Variants in SELENON observed in about 807,000 individuals in gnomAD.
The protein encoded by SELENON is selenoprotein N.
A neutral mutation model predicts 59.5 loss-of-function variants in SELENON; 44 were observed. The observed-to-expected ratio is 0.74, with a 90% CI of 0.58 to 0.95. The LOEUF (loss-of-function observed/expected upper bound fraction) is 0.95. Among genes scored for constraint, SELENON ranks in the 40% least tolerant of loss-of-function variants. The pLI is 0.00. For synonymous variants in SELENON, 320 were observed against 305.6 expected (o/e 1.05, Z -0.49); for missense variants, 674 against 721.4 (o/e 0.93, Z 0.75).
At chr1:25,803,576 T>A (rs1341726033) in intron 3 of SELENON, among the ~76,000 whole-genome samples, 1 of 152,244 alleles carries the variant, frequency 6.6e-6, no homozygotes, top group Non-Finnish European at 1.5e-5. Flanking sequence ...AGTAGTATTA[T>A]AATTAATAAC....
chr1:25,812,842 TGTG>T, intron 10 of SELENON, 50 bp downstream of exon 9: 1 of 1,403,748 alleles, frequency 7.1e-7, no homozygotes, highest in Non-Finnish European at 1.0e-6. Context: ...GTCCACACCT[TGTG>T]GGGTACCAGA....
In SELENON at chr1:25,807,360, C is replaced by T. The variant is rs969598247; in HGVS notation, c.538-1220C>T. Reference sequence around the variant, plus strand: ...GAATGAACAAATGAATAAACGTGTTCTTCTCAGCCAAGGAGACAGTGCAGC... The same window carrying T: ...GAATGAACAAATGAATAAACGTGTTTTTCTCAGCCAAGGAGACAGTGCAGC... On this transcript the variant is annotated intron_variant, in intron 4 of 12. Transcript: ENST00000361547. The surrounding 1 kb of genome is among the most constrained non-coding windows in gnomAD (Gnocchi z 4.5). Among the ~76,000 whole-genome samples, 1 of 152,226 alleles carries T rather than the reference C, an allele frequency of 6.6e-6. No homozygotes were observed. Among genetic ancestry groups the T allele is most frequent in the African/African-American group, 2.4e-5 (1 of 41,460 alleles).
chr1:25,810,089 G>A (rs931827791), intron 7 of SELENON, among the ~76,000 whole-genome samples: 9 of 152,178 alleles, frequency 5.9e-5, no homozygotes, highest in African/African-American at 2.2e-4. Flanking sequence ...CTGAAGCTGG[G>A]CCTCCCCGCC....
In SELENON at chr1:25,811,708, G is replaced by A. The variant is rs779080942; in HGVS notation, c.1110G>A (p.Thr370=). Residue 370 remains threonine (T), a synonymous_variant, in exon 9 of 13, where the codon ACG becomes ACA. Coordinates refer to ENST00000361547, the MANE Select transcript of SELENON (RefSeq NM_020451.3). Reference sequence around the variant, plus strand: ...TGGCCCAGATGGAGCTGGAGGCCACGGGCCCCTCTGTGCCCTCCGTGATCC... The same window carrying A: ...TGGCCCAGATGGAGCTGGAGGCCACAGGCCCCTCTGTGCCCTCCGTGATCC... The A allele has an allele frequency of 5.0e-5, 80 of 1,608,740 alleles. No homozygotes were observed. The Admixed American group carries it at 7.5e-4, about 15-fold the overall frequency.
rs769448201 is a variant in SELENON, at chr1:25,812,758, G to A, written c.1353G>A (p.Leu451=). ...AGAACAAGCTGGTGCACTCAATCCT[G>A]CTGTGGGGGGCCCTGGATGACCAGT... is the stretch of plus-strand genomic sequence containing the variant. The change falls in exon 10 of 13, where the codon CTG becomes CTA. Residue 451 remains leucine (L), a synonymous_variant. Coordinates refer to ENST00000361547, the MANE Select transcript of SELENON (RefSeq NM_020451.3). 7 of 1,613,484 alleles carry A rather than the reference G, an allele frequency of 4.3e-6. No homozygotes were observed. The African/African-American group carries it at 8.0e-5, about 18-fold the overall frequency.
chr1:25,814,227 C>T (rs769569747), intron 12 of SELENON, 49 bp downstream of exon 11: 11 of 1,422,868 alleles, frequency 7.7e-6, no homozygotes, highest in African/African-American at 2.8e-5. Flanking sequence ...CTCGGGGCCC[C>T]GGGAGCAACC....
At chr1:25,811,929 C>G in intron 9 of SELENON, 50 bp downstream of exon 8, 1 of 1,530,998 alleles carries the variant, frequency 6.5e-7, no homozygotes, top group South Asian at 1.2e-5. Flanking sequence ...TGGGCAGAGG[C>G]TGGGAGCTGT....
intron 7 of SELENON, among the ~76,000 whole-genome samples, chr1:25,810,660 T>G (rs1207691277): frequency 2.6e-5 from 4 of 152,166 alleles, no homozygotes; most frequent in African/African-American, 9.7e-5. Flanking sequence ...CGTGAGAGGA[T>G]GGTCGGGATA....
At position 25,811,501 on chromosome 1, in the gene SELENON, G is replaced by A. The variant is rs2047959104; in HGVS notation, c.1058G>A (p.Ser353Asn). 6.2e-7 allele frequency: 1 copy of A among 1,614,138 alleles called. No homozygotes were observed. The highest frequency in any genetic ancestry group is 8.5e-7 in the Non-Finnish European group (1 of 1,180,040). ...TGGCTTTACGGGGCCAGTGAAAGCAGCAACATGGAGGTGGACATCGGCTAC... is the reference window on the plus strand; with the variant it reads ...TGGCTTTACGGGGCCAGTGAAAGCAACAACATGGAGGTGGACATCGGCTAC... Residue 353 changes from serine to asparagine, a missense_variant, in exon 8 of 13, where the codon AGC (serine) becomes AAC (asparagine). Coordinates refer to ENST00000361547, the MANE Select transcript of SELENON (RefSeq NM_020451.3).
chr1:25,802,297 A>G (rs2047867622), intron 3 of SELENON, among the ~76,000 whole-genome samples: 1 of 151,844 alleles, frequency 6.6e-6, no homozygotes, highest in South Asian at 2.1e-4. Context: ...GCCAGGAGCT[A>G]TAACTATCAT....
At chr1:25,808,218 GGTGGGACTAT>G (rs1362780244) in intron 4 of SELENON, among the ~76,000 whole-genome samples, 1 of 152,226 alleles carries the variant, frequency 6.6e-6, no homozygotes, top group Non-Finnish European at 1.5e-5. Context: ...ATAGGATGGA[GGTGGGACTAT>G]GTGAGGCACA....
In SELENON at chr1:25,811,545, C is replaced by T. The variant is rs944987928; in HGVS notation, c.1092+10C>T. 3.8e-5 allele frequency: 62 copies of T among 1,613,634 alleles called. No homozygotes were observed. The highest frequency in any genetic ancestry group is 5.3e-5 in the Non-Finnish European group (62 of 1,179,710). ...CGGCTACATACCCCAGGTGAGCGCA[C>T]AGGAGGCTCCCATCCAGGTGGGCTC... On this transcript the variant is annotated intron_variant, in intron 8 of 12. Coordinates refer to ENST00000361547, the MANE Select transcript of SELENON (RefSeq NM_020451.3).
At position 25,815,993 on chromosome 1, in the gene SELENON, A is replaced by T; in HGVS notation, c.*275A>T. 4.2e-6 allele frequency: 2 copies of T among 481,772 alleles called. No homozygotes were observed. The highest frequency in any genetic ancestry group is 3.9e-5 in the East Asian group (1 of 25,652). 29.8% of individuals were successfully genotyped at this position (481,772 alleles called of 1,614,324 possible). A position where few individuals can be genotyped will look rare whatever the true frequency, so the allele number is the denominator to read the frequency against. On this transcript the variant is annotated 3_prime_UTR_variant, in exon 13 of 13. Transcript: ENST00000361547. Reference sequence around the variant, plus strand: ...TCTGGAAGCTGCTTGGCCCCCCCAGATCAGGGCCTGGGTGAACTCCCTGGA... The same window carrying T: ...TCTGGAAGCTGCTTGGCCCCCCCAGTTCAGGGCCTGGGTGAACTCCCTGGA...
intron 3 of SELENON, among the ~76,000 whole-genome samples, chr1:25,804,165 A>G (rs1478272286): frequency 1.3e-5 from 2 of 152,198 alleles, no homozygotes; most frequent in African/African-American, 4.8e-5. Context: ...GTGATTCTTC[A>G]GAATAGGGAT....
At chr1:25,804,157 G>C (rs925827329) in intron 3 of SELENON, among the ~76,000 whole-genome samples, 1 of 152,166 alleles carries the variant, frequency 6.6e-6, no homozygotes, top group Admixed American at 6.5e-5. Flanking sequence ...AGAAATAAGT[G>C]ATTCTTCAGA....
In SELENON at chr1:25,809,099, C is replaced by T. The variant is rs945683594; in HGVS notation, c.821C>T (p.Ala274Val). 2 of 1,613,682 alleles carry T rather than the reference C, an allele frequency of 1.2e-6. No homozygotes were observed. The highest frequency in any genetic ancestry group is 1.7e-5 in the Admixed American group (1 of 60,014). Residue 274 changes from alanine to valine, a missense_variant, in exon 6 of 13, where the codon GCT becomes GTT. Physicochemically the swap from Ala to Val is moderately conservative, Grantham distance 64. Transcript: ENST00000361547. ...AAGACCCGCTTTGCCCCTCAGGGAG[C>T]TGTGGCCTGCCTGACTGCCATCAGC... is the stretch of plus-strand genomic sequence containing the variant.
chr1:25,802,022 G>A lies in SELENON; in HGVS notation c.308G>A (p.Cys103Tyr). ...TTTTTTTTTTTTGAGACAGGGTCTT[G>A]TTCTGTCACCCAGACTGGAGTGCAG... is the stretch of plus-strand genomic sequence containing the variant. Residue 103 changes from cysteine (C) to tyrosine (Y), a missense_variant, in exon 3 of 13, where the codon TGT becomes TAT. By Grantham distance (194) the Cys-to-Tyr change is radical. Coordinates refer to ENST00000361547, the MANE Select transcript of SELENON (RefSeq NM_020451.3). The A allele has an allele frequency of 4.1e-6, 1 of 242,488 alleles. No homozygotes were observed. The highest frequency in any genetic ancestry group is 3.8e-5 in the South Asian group (1 of 26,018). The allele number at this position is 242,488 out of a possible 1,614,324, so 15.0% of individuals were successfully genotyped here.
Position 25,808,343 on chromosome 1 carries a change from G to A in SELENON, c.538-237G>A, listed in dbSNP as rs540705498. On this transcript the variant is annotated intron_variant, in intron 4 of 12. Coordinates refer to ENST00000361547, the MANE Select transcript of SELENON (RefSeq NM_020451.3). Reference sequence around the variant, plus strand: ...GGTGGGCTGTGCCTGGGTGGGCTGTGCCTGGGTGGGCTGTGCCTGGGTGGG... The same window carrying A: ...GGTGGGCTGTGCCTGGGTGGGCTGTACCTGGGTGGGCTGTGCCTGGGTGGG... Among the ~76,000 whole-genome samples the A allele has an allele frequency of 1.9e-4, 5 of 26,676 alleles. No homozygotes were observed. The East Asian group carries it at 0.011, about 56-fold the overall frequency. The allele number at this position is 26,676 out of a possible 152,430, so 17.5% of individuals were successfully genotyped here.
At chr1:25,813,232 T>C (rs2047982082) in intron 10 of SELENON, among the ~76,000 whole-genome samples, 1 of 152,158 alleles carries the variant, frequency 6.6e-6, no homozygotes, top group Non-Finnish European at 1.5e-5. Flanking sequence ...AGAGGCCCCC[T>C]AGATGCAACG....
Sources: gnomAD v4.1 joint callset for allele counts (sites outside exome capture counted in the v4.1 genomes callset) on GRCh38, gnomAD v4.1.1 for gene constraint, Gnocchi (gnomAD v3.1) non-coding constraint, MANE v1.5 for transcripts, NCBI Gene and HGNC (gene_info 2026-07-23, HGNC 2026-07-21) for gene names.